SNX24: variants seen among roughly 807,000 people sequenced by gnomAD.
SNX24 encodes sorting nexin 24.
In SNX24, 22 loss-of-function variants were observed where a neutral mutation model predicts 28.7. The ratio of observed to expected loss-of-function variants is 0.77; its 90% CI spans 0.55 to 1.10. The LOEUF (loss-of-function observed/expected upper bound fraction) is 1.10. Among genes scored for constraint, SNX24 ranks in the 50% least tolerant of loss-of-function variants. The pLI is 0.00. For missense variants in SNX24, 221 were observed against 201.1 expected, an observed-to-expected ratio of 1.10 and a Z score of -0.60; for synonymous variants, 69 against 71.5, an observed-to-expected ratio of 0.96 and a Z score of 0.18.
At position 123,008,983 on chromosome 5, in the gene SNX24, A is replaced by G. The variant is rs534392864; in HGVS notation, c.*1234A>G. ...AGCAAGGTATTTAAAATCAAAACTA[A>G]TAACTACATCATGGTTTTTGATTAG... On this transcript the variant is annotated 3_prime_UTR_variant, in exon 7 of 7. Coordinates refer to ENST00000261369, the MANE Select transcript of SNX24 (RefSeq NM_014035.4). 1.7e-5 allele frequency: 17 copies of G among 985,742 alleles called. No homozygotes were observed. The South Asian group carries it at 6.1e-4, about 35-fold the overall frequency. The allele number at this position is 985,742 out of a possible 1,614,324, so 61.1% of individuals were successfully genotyped here. A position where few individuals can be genotyped will look rare whatever the true frequency, so the allele number is the denominator to read the frequency against.
intron 1 of SNX24, among the ~76,000 whole-genome samples, chr5:122,874,203 C>G (rs570763239): frequency 1.3e-5 from 2 of 152,148 alleles, no homozygotes; most frequent in East Asian, 3.8e-4. Flanking sequence ...AAATTATTAG[C>G]CTCAGTTTCC....
chr5:123,010,172 A>G (rs1762543833), downstream of SNX24, among the ~76,000 whole-genome samples: 1 of 152,114 alleles, frequency 6.6e-6, no homozygotes, highest in Non-Finnish European at 1.5e-5. Context: ...CCCACTCCAT[A>G]GCTCCCTTCA....
intron 1 of SNX24, among the ~76,000 whole-genome samples, chr5:122,854,650 A>G (rs1458912644): frequency 2.0e-5 from 3 of 152,114 alleles, no homozygotes; most frequent in African/African-American, 7.2e-5. Context: ...AAACAGTGGT[A>G]TACTAAAACA....
chr5:123,015,502 T>C (rs1023605285), intron 5 of SNX24, among the ~76,000 whole-genome samples: 2 of 152,184 alleles, frequency 1.3e-5, no homozygotes, highest in African/African-American at 4.8e-5. Flanking sequence ...ATTCAGTGTT[T>C]ATAAACCATA....
At chr5:122,864,428 T>A (rs1755628210) in intron 1 of SNX24, among the ~76,000 whole-genome samples, 1 of 152,238 alleles carries the variant, frequency 6.6e-6, no homozygotes, top group South Asian at 2.1e-4. Context: ...CTGAGCCGAT[T>A]TATCAAGACA....
intron 2 of SNX24, among the ~76,000 whole-genome samples, chr5:122,943,816 C>T (rs1167575719): frequency 2.0e-5 from 3 of 152,184 alleles, no homozygotes; most frequent in East Asian, 1.9e-4. Flanking sequence ...AAGGCATTTA[C>T]ACCAGGGGAC....
chr5:122,848,796 G>C (rs553864384), intron 1 of SNX24, among the ~76,000 whole-genome samples: 1 of 152,108 alleles, frequency 6.6e-6, no homozygotes, highest in Non-Finnish European at 1.5e-5. Flanking sequence ...GAAATGGGTG[G>C]TTTCTCCTCT....
rs113917039 is a variant in SNX24 at position 123,000,196 on chromosome 5, C to G, written c.344+190C>G. Reference sequence around the variant, plus strand: ...CCTCTGAGTCCTTATGCCCATCTTGCGGCCAAATGGCCATGGTTCGGTAAC... The same window carrying G: ...CCTCTGAGTCCTTATGCCCATCTTGGGGCCAAATGGCCATGGTTCGGTAAC... On this transcript the variant is annotated intron_variant, in intron 4 of 6. Transcript: ENST00000261369. 9.6e-3 allele frequency among the ~76,000 whole-genome samples: 1,461 copies of G among 152,324 alleles called. 76 individuals carry two copies. The highest frequency in any genetic ancestry group is 0.071 in the Admixed American group (1,081 of 15,300).
At chr5:122,925,738 G>T (rs955296393) in intron 1 of SNX24, among the ~76,000 whole-genome samples, 2 of 152,038 alleles carry the variant, frequency 1.3e-5, no homozygotes, top group African/African-American at 4.8e-5. Flanking sequence ...TTAGATTACT[G>T]AGCTGGACTG....
chr5:122,876,329 TAAA>T (rs1756220757), intron 1 of SNX24, among the ~76,000 whole-genome samples: 1 of 152,210 alleles, frequency 6.6e-6, no homozygotes, highest in African/African-American at 2.4e-5. Flanking sequence ...TGTCAGCGTA[TAAA>T]AATGAAAAAT....
At chr5:122,881,557 G>C (rs1244181852) in intron 1 of SNX24, among the ~76,000 whole-genome samples, 4 of 152,166 alleles carry the variant, frequency 2.6e-5, no homozygotes, top group Non-Finnish European at 5.9e-5. Flanking sequence ...TTTAGAGTCA[G>C]AGAGATCTGT....
intron 3 of SNX24, among the ~76,000 whole-genome samples, chr5:122,963,697 T>C (rs1243069413): frequency 1.3e-5 from 2 of 152,190 alleles, no homozygotes; most frequent in Non-Finnish European, 2.9e-5. Context: ...GCTTTTGTAG[T>C]GTGTTTCACT....
intron 3 of SNX24, among the ~76,000 whole-genome samples, chr5:122,946,638 T>G (rs1020162598): frequency 1.1e-4 from 17 of 152,138 alleles, no homozygotes; most frequent in Non-Finnish European, 2.2e-4. Context: ...GCCAACCTCT[T>G]TGAAAATTCG....
chr5:122,897,738 T>A (rs1411455656), intron 1 of SNX24, among the ~76,000 whole-genome samples: 6 of 152,338 alleles, frequency 3.9e-5, no homozygotes, highest in African/African-American at 1.4e-4. Flanking sequence ...AGGCTACTCT[T>A]CAGAATTTTT....
chr5:122,957,326 T>C (rs537869794), intron 3 of SNX24, among the ~76,000 whole-genome samples: 1 of 152,320 alleles, frequency 6.6e-6, no homozygotes, highest in Admixed American at 6.5e-5. Context: ...CGTTGGACCA[T>C]ATATATGAGG....
intron 1 of SNX24, among the ~76,000 whole-genome samples, chr5:122,864,241 G>A (rs532879541): frequency 6.6e-6 from 1 of 152,296 alleles, no homozygotes; most frequent in East Asian, 1.9e-4. Flanking sequence ...AGAAGGAAGT[G>A]TTGGAAGATG....
chr5:122,918,278 G>A lies in SNX24; in HGVS notation c.61-18456G>A, dbSNP rs116220939. Among the ~76,000 whole-genome samples, 1,089 of 152,142 alleles carry A rather than the reference G, an allele frequency of 7.2e-3. 13 individuals are homozygous for A. Among genetic ancestry groups the A allele is most frequent in the African/African-American group, 0.024 (1,012 of 41,506 alleles). ...GGGGTGCACAGTTCAGTTTATAACA[G>A]GGCAGTGGACACCATACACAGAGTT... On this transcript the variant is annotated intron_variant, in intron 1 of 6. Transcript: ENST00000261369.
intron 5 of SNX24, among the ~76,000 whole-genome samples, chr5:123,022,964 C>T (rs1278213420): frequency 2.6e-5 from 4 of 152,114 alleles, no homozygotes; most frequent in African/African-American, 7.2e-5. Context: ...CCAACATGAC[C>T]AGCTAATTTT....
At chr5:122,905,675 G>A (rs960882071) in intron 1 of SNX24, among the ~76,000 whole-genome samples, 7 of 152,308 alleles carry the variant, frequency 4.6e-5, no homozygotes, top group African/African-American at 1.7e-4. Flanking sequence ...AGGAACACCT[G>A]ATTGGAGATC....
Sources: allele counts gnomAD v4.1 joint callset (sites outside exome capture counted in the v4.1 genomes callset), GRCh38; gene constraint gnomAD v4.1.1; transcripts MANE v1.5; gene names NCBI Gene and HGNC (gene_info 2026-07-23, HGNC 2026-07-21).